The following AP1AR variants were observed in gnomAD, a reference collection of about 807,000 sequenced individuals.
AP1AR encodes adaptor related protein complex 1 associated regulatory protein.
Under a neutral mutation model 46.3 loss-of-function variants are expected in AP1AR, and 29 were observed. That is an observed-to-expected ratio of 0.63 (90% CI 0.47 to 0.85). AP1AR has a LOEUF of 0.85. AP1AR is among the 40% of genes least tolerant of loss of function. AP1AR has a pLI of 0.00. For synonymous variants in AP1AR, 122 were observed against 122.9 expected (o/e 0.99, Z 0.05); for missense variants, 357 against 356.3 (o/e 1.00, Z -0.02).
At chr4:112,251,842 G>A (rs887224065) in intron 1 of AP1AR, among the ~76,000 whole-genome samples, 10 of 152,180 alleles carry the variant, frequency 6.6e-5, no homozygotes, top group African/African-American at 2.4e-4. Context: ...AATGATCTTA[G>A]TGGACAATAA....
Position 112,272,371 on chromosome 4 carries a change from C to G in AP1AR, c.*3962C>G, listed in dbSNP as rs1726989032. Reference sequence around the variant, plus strand: ...TTTAAGATGGCAGAGTTTGGCCTTCCTCTGGGGGCATGACCAGACATGCGC... The same window carrying G: ...TTTAAGATGGCAGAGTTTGGCCTTCGTCTGGGGGCATGACCAGACATGCGC... On this transcript the variant is annotated 3_prime_UTR_variant, in exon 10 of 10. Transcript: ENST00000274000. Among the ~76,000 whole-genome samples, 1 of 152,036 alleles carries G rather than the reference C, an allele frequency of 6.6e-6. No individual in the cohort carries two copies. The highest frequency in any genetic ancestry group is 1.5e-5 in the Non-Finnish European group (1 of 68,004).
At position 112,260,766 on chromosome 4, in the gene AP1AR, G is replaced by A; in HGVS notation, c.186G>A (p.Arg62=). 6.3e-7 allele frequency: 1 copy of A among 1,576,890 alleles called. No individual in the cohort carries two copies. The highest frequency in any genetic ancestry group is 8.6e-7 in the Non-Finnish European group (1 of 1,162,386). Reference sequence around the variant, plus strand: ...TTCTCCTCCTCCTTTTTTTCTCTAGGCCTCTTACTGAGGAAGAAATTGTTG... The same window carrying A: ...TTCTCCTCCTCCTTTTTTTCTCTAGACCTCTTACTGAGGAAGAAATTGTTG... The part of the protein sequence containing the change: ...DEGESPGSSH[R]PLTEEEIVDL... The change falls in exon 5 of 10, where the codon AGG becomes AGA. Residue 62 remains arginine, a splice_region_variant and synonymous_variant. Transcript: ENST00000274000.
intron 1 of AP1AR, among the ~76,000 whole-genome samples, chr4:112,252,909 A>T (rs1184223775): frequency 6.6e-6 from 1 of 152,196 alleles, no homozygotes; most frequent in Non-Finnish European, 1.5e-5. Flanking sequence ...AAATAATGAG[A>T]TACATTTTAA....
At chr4:112,252,824 T>C (rs1338677969) in intron 1 of AP1AR, among the ~76,000 whole-genome samples, 7 of 152,194 alleles carry the variant, frequency 4.6e-5, no homozygotes, top group East Asian at 3.8e-4. Flanking sequence ...TTTAACAAAA[T>C]TGAGAACATA....
chr4:112,258,240 G>A (rs1726290640), intron 4 of AP1AR, among the ~76,000 whole-genome samples: 2 of 152,120 alleles, frequency 1.3e-5, no homozygotes, highest in East Asian at 1.9e-4. Context: ...GTTACTTGAA[G>A]TATCTTTAAG....
chr4:112,260,078 T>C (rs1726374614), intron 4 of AP1AR, among the ~76,000 whole-genome samples: 1 of 152,144 alleles, frequency 6.6e-6, no homozygotes, highest in Non-Finnish European at 1.5e-5. Flanking sequence ...GAGTGCCAAA[T>C]TGATGTCAGG....
chr4:112,263,427 T>C (rs1726538721), intron 6 of AP1AR, among the ~76,000 whole-genome samples: 1 of 151,948 alleles, frequency 6.6e-6, no homozygotes, highest in African/African-American at 2.4e-5. Context: ...AAAACTAGCC[T>C]TTAAATATAA....
chr4:112,252,784 T>G (rs1376328085), intron 1 of AP1AR, among the ~76,000 whole-genome samples: 2 of 152,210 alleles, frequency 1.3e-5, no homozygotes, highest in Non-Finnish European at 1.5e-5. Flanking sequence ...TTGACATATA[T>G]ACTTTTAGAT....
At chr4:112,255,780 A>G (rs1479625937) in intron 3 of AP1AR, among the ~76,000 whole-genome samples, 1 of 152,224 alleles carries the variant, frequency 6.6e-6, no homozygotes, top group Non-Finnish European at 1.5e-5. Context: ...GAATCAGCAA[A>G]TTGTGTATAT....
chr4:112,243,953 A>T (rs1682299848), intron 1 of AP1AR, among the ~76,000 whole-genome samples: 1 of 152,208 alleles, frequency 6.6e-6, no homozygotes, highest in African/African-American at 2.4e-5. Context: ...TGGTATTGTC[A>T]GATATTTTTT....
At chr4:112,260,969 A>T (rs1305303485) in intron 5 of AP1AR, 107 bp downstream of exon 5, 4 of 570,604 alleles carry the variant, frequency 7.0e-6, no homozygotes, top group Non-Finnish European at 1.1e-5. Context: ...ATATATACAG[A>T]TGAATCTGTT....
At chr4:112,233,513 A>T (rs1725110621) in intron 1 of AP1AR, among the ~76,000 whole-genome samples, 1 of 152,258 alleles carries the variant, frequency 6.6e-6, no homozygotes, top group Admixed American at 6.5e-5. Context: ...AGGCTTGCCC[A>T]ATAACTAGAT....
Position 112,268,193 on chromosome 4 carries a change from C to T in AP1AR, c.693C>T (p.Asp231=). Residue 231 remains aspartate (D), a synonymous_variant, in exon 10 of 10, where the codon GAC becomes GAT. Transcript: ENST00000274000. ...PMRERSKTEE[D]ILRAALKYSN... is the part of the protein sequence containing the mutation. ...GAGAACGTTCCAAAACAGAGGAAGACATTCTACGGGCAGCACTTAAGTATA... is the reference window on the plus strand; with the variant it reads ...GAGAACGTTCCAAAACAGAGGAAGATATTCTACGGGCAGCACTTAAGTATA... 1 of 1,603,670 alleles carries T rather than the reference C, an allele frequency of 6.2e-7. No homozygotes were observed.
rs1726964550 is a variant in AP1AR, at chr4:112,271,794, G to T, written c.*3385G>T. ...GGATATATGTCTGCAGCCCAAGAAA[G>T]AGGTCTAGGTTCAAGTTTGGGAGTC... is the stretch of plus-strand genomic sequence containing the variant. On this transcript the variant is annotated 3_prime_UTR_variant, in exon 10 of 10. Coordinates refer to ENST00000274000, the MANE Select transcript of AP1AR (RefSeq NM_018569.6). Among the ~76,000 whole-genome samples the T allele has an allele frequency of 6.6e-6, 1 of 152,322 alleles. No individual in the cohort carries two copies. Among genetic ancestry groups the T allele is most frequent in the Middle Eastern group, 3.4e-3 (1 of 294 alleles).
chr4:112,253,193 T>C lies in AP1AR; in HGVS notation c.84-15T>C, dbSNP rs1309444444. On this transcript the variant is annotated splice_polypyrimidine_tract_variant and intron_variant, in intron 1 of 9. Transcript: ENST00000274000. ...TTAATTGTGTTTTTTAAAGTTATTC[T>C]GTTTTCCTTCCCAGATCCAAGTATT... 1 of 1,604,084 alleles carries C rather than the reference T, an allele frequency of 6.2e-7. No individual in the cohort carries two copies. Among genetic ancestry groups the C allele is most frequent in the Non-Finnish European group, 8.5e-7 (1 of 1,174,482 alleles).
At chr4:112,261,249 A>G (rs976248818) in intron 5 of AP1AR, among the ~76,000 whole-genome samples, 1 of 152,136 alleles carries the variant, frequency 6.6e-6, no homozygotes, top group African/African-American at 2.4e-5. Flanking sequence ...CCTCAGCAAC[A>G]TGGCAAAACC....
intron 1 of AP1AR, among the ~76,000 whole-genome samples, chr4:112,251,349 A>G (rs1173025258): frequency 6.6e-6 from 1 of 152,224 alleles, no homozygotes; most frequent in Non-Finnish European, 1.5e-5. Flanking sequence ...TTTGCCTACT[A>G]CTAAAGTTAG....
intron 1 of AP1AR, among the ~76,000 whole-genome samples, chr4:112,244,503 C>G: frequency 6.6e-6 from 1 of 152,146 alleles, no homozygotes; most frequent in Non-Finnish European, 1.5e-5. Context: ...GCAATTGTTT[C>G]ATGCCACAGG....
intron 1 of AP1AR, among the ~76,000 whole-genome samples, chr4:112,241,191 G>A (rs1308609402): frequency 6.6e-6 from 1 of 152,134 alleles, no homozygotes; most frequent in East Asian, 1.9e-4. Context: ...TCGTAAACGT[G>A]TCTTTATTAG....
Sources: allele counts gnomAD v4.1 joint callset (sites outside exome capture counted in the v4.1 genomes callset), GRCh38; gene constraint gnomAD v4.1.1; transcripts MANE v1.5; gene names NCBI Gene and HGNC (gene_info 2026-07-23, HGNC 2026-07-21).